Variants in IGF2R observed in about 807,000 individuals in gnomAD.
IGF2R encodes the protein insulin like growth factor 2 receptor.
IGF2R carries 91 observed loss-of-function variants against 270.6 expected under a neutral mutation model. That is an observed-to-expected ratio of 0.34 (90% CI 0.28 to 0.40). The LOEUF is 0.40. Among genes scored for constraint, IGF2R ranks in the 10% least tolerant of loss-of-function variants. The probability of loss-of-function intolerance (pLI) is 1.00; values close to 1 mark genes in which losing one functional copy is unlikely to be tolerated. For missense variants in IGF2R, 2,805 were observed against 3,188.3 expected (o/e 0.88, Z 2.90); for synonymous variants, 1,316 against 1,258.9 (o/e 1.05, Z -0.96).
At chr6:160,014,880 G>C (rs1777249133) in intron 4 of IGF2R, among the ~76,000 whole-genome samples, 1 of 152,200 alleles carries the variant, frequency 6.6e-6, no homozygotes, top group East Asian at 1.9e-4. Flanking sequence ...TAAGCTCCAT[G>C]TGCTGGTACC....
intron 10 of IGF2R, among the ~76,000 whole-genome samples, chr6:160,040,053 A>C (rs3777414): frequency 6.6e-6 from 1 of 151,978 alleles, no homozygotes; most frequent in Non-Finnish European, 1.5e-5. Context: ...GCGACTGACT[A>C]TAGATGGCTT....
At chr6:160,020,264 A>G (rs1219951608) in intron 4 of IGF2R, among the ~76,000 whole-genome samples, 1 of 152,108 alleles carries the variant, frequency 6.6e-6, no homozygotes, top group Admixed American at 6.5e-5. Flanking sequence ...AAAAATCTCT[A>G]CAAGGAAAAC....
chr6:160,033,863 A>G (rs1777754228), intron 9 of IGF2R, among the ~76,000 whole-genome samples: 2 of 152,242 alleles, frequency 1.3e-5, no homozygotes, highest in South Asian at 2.1e-4. Context: ...GTTGACCTTC[A>G]TAAAAGCAGG....
chr6:160,001,348 C>T (rs980848677), intron 2 of IGF2R, among the ~76,000 whole-genome samples: 11 of 151,980 alleles, frequency 7.2e-5, no homozygotes, highest in African/African-American at 1.9e-4. Context: ...CAGTGTCTCC[C>T]ATCACCCCCA....
At chr6:160,018,113 A>G (rs762476150) in intron 4 of IGF2R, among the ~76,000 whole-genome samples, 1 of 152,160 alleles carries the variant, frequency 6.6e-6, no homozygotes, top group Non-Finnish European at 1.5e-5. Flanking sequence ...GCTGCTTACA[A>G]GAAAGCCAGA....
Position 160,058,961 on chromosome 6 carries a change from C to T in IGF2R, c.2954C>T (p.Ser985Phe), listed in dbSNP as rs1238690917. 1.2e-6 allele frequency: 2 copies of T among 1,614,112 alleles called. No homozygotes were observed. The highest frequency in any genetic ancestry group is 1.7e-6 in the Non-Finnish European group (2 of 1,180,048). Residue 985 changes from serine to phenylalanine, a missense_variant, in exon 22 of 48, where the codon TCT (serine) becomes TTT (phenylalanine). Physicochemically the swap from Ser to Phe is radical, Grantham distance 155. This residue lies in a region of IGF2R where 1,851 missense variants were observed against 2,207.2 expected (regional missense o/e 0.84). Transcript: ENST00000356956. ...GGGACCATCCTGGGAAAACCTGCTT[C>T]TGGCTGTGAGGCAGAAACCCAAACT... ...VCGTILGKPA[S>F]GCEAETQTEE...
At chr6:160,043,325 T>C in intron 12 of IGF2R, 37 bp downstream of exon 12, 2 of 1,590,652 alleles carry the variant, frequency 1.3e-6, no homozygotes, top group Non-Finnish European at 1.7e-6. Context: ...AGGTGATGCT[T>C]TTCTAGGGCA....
chr6:159,980,016 A>G (rs1235712042), intron 1 of IGF2R, among the ~76,000 whole-genome samples: 1 of 151,968 alleles, frequency 6.6e-6, no homozygotes, highest in African/African-American at 2.4e-5. Flanking sequence ...TGTCTCTACT[A>G]AAAATACAAA....
intron 16 of IGF2R, among the ~76,000 whole-genome samples, 176 bp downstream of exon 16, chr6:160,047,512 C>T (rs1778095652): frequency 6.6e-6 from 1 of 152,084 alleles, no homozygotes; most frequent in Admixed American, 6.5e-5. Flanking sequence ...GTGGGTTGTG[C>T]ACCTTAATAA....
intron 22 of IGF2R, 89 bp from the exon 23 acceptor site, chr6:160,060,458 G>A (rs1778411185): frequency 7.6e-7 from 1 of 1,308,112 alleles, no homozygotes; most frequent in Non-Finnish European, 1.1e-6. Context: ...GTTGCCAGTG[G>A]CAGCCTTGTC....
chr6:160,024,368 C>T (rs1445917142), intron 4 of IGF2R, among the ~76,000 whole-genome samples: 2 of 152,068 alleles, frequency 1.3e-5, no homozygotes, highest in East Asian at 3.9e-4. Flanking sequence ...GCACAACAGT[C>T]CTCATGTAAG....
At chr6:160,075,479 G>A (rs1778837840) in intron 35 of IGF2R, among the ~76,000 whole-genome samples, 1 of 152,190 alleles carries the variant, frequency 6.6e-6, no homozygotes, top group Admixed American at 6.5e-5. Context: ...GGAGGACCGT[G>A]TAGCATCCTT....
Position 160,102,438 on chromosome 6 carries a change from T to C in IGF2R, c.6843-81T>C. 6.7e-7 allele frequency: 1 copy of C among 1,496,532 alleles called. No individual in the cohort carries two copies. The allele number at this position is 1,496,532 out of a possible 1,614,324, so 92.7% of individuals were successfully genotyped here. A position where few individuals can be genotyped will look rare whatever the true frequency, so the allele number is the denominator to read the frequency against. ...TGGGAAAGTCAGAGCTGCTCTTGCCTTGGGGACTCAGGTCTCAGGTTGTGG... is the reference window on the plus strand; with the variant it reads ...TGGGAAAGTCAGAGCTGCTCTTGCCCTGGGGACTCAGGTCTCAGGTTGTGG... On this transcript the variant is annotated intron_variant, in intron 45 of 47. Coordinates refer to ENST00000356956, the MANE Select transcript of IGF2R (RefSeq NM_000876.4). The surrounding 1 kb of genome is among the most constrained non-coding windows in gnomAD (Gnocchi z 4.5).
intron 39 of IGF2R, among the ~76,000 whole-genome samples, chr6:160,080,932 A>G (rs1225677342): frequency 6.6e-6 from 1 of 150,844 alleles, no homozygotes; most frequent in Non-Finnish European, 1.5e-5. Context: ...CCTGGCTAGC[A>G]TGGTGAAACC....
intron 22 of IGF2R, 47 bp from the exon 23 acceptor site, chr6:160,060,500 A>C: frequency 1.3e-6 from 2 of 1,595,854 alleles, no homozygotes; most frequent in Non-Finnish European, 1.7e-6. Context: ...GGGCTGCGCC[A>C]TGAATACTGT....
chr6:160,058,818 A>G (rs986290686), intron 21 of IGF2R, 88 bp from the exon 22 acceptor site: 22 of 1,120,318 alleles, frequency 2.0e-5, no homozygotes, highest in African/African-American at 1.6e-4. Context: ...TGTTTAACCT[A>G]GTGGGATTTG....
intron 1 of IGF2R, 91 bp downstream of exon 1, chr6:159,969,486 G>T (rs1562326658): frequency 6.1e-6 from 6 of 978,874 alleles, no homozygotes; most frequent in Non-Finnish European, 6.4e-6. Flanking sequence ...GAGCTCCTGG[G>T]GTCTCCAAGT....
chr6:160,080,451 G>A (rs1225345029), intron 39 of IGF2R, among the ~76,000 whole-genome samples, 176 bp downstream of exon 39: 1 of 152,206 alleles, frequency 6.6e-6, no homozygotes, highest in African/African-American at 2.4e-5. Flanking sequence ...CTGTGGGATT[G>A]CTGGGTAACC....
chr6:160,089,095 C>G lies in IGF2R; in HGVS notation c.6321-12C>G. On this transcript the variant is annotated splice_polypyrimidine_tract_variant and intron_variant, in intron 42 of 47. Coordinates refer to ENST00000356956, the MANE Select transcript of IGF2R (RefSeq NM_000876.4). ...GGGGAAGTGACTGTAGCCTGTGCTT[C>G]CCTCCTCCTAGGTTTGATATCGACA... 2 of 1,609,888 alleles carry G rather than the reference C, an allele frequency of 1.2e-6. No homozygotes were observed. The highest frequency in any genetic ancestry group is 2.2e-5 in the South Asian group (2 of 90,726).
Sources: allele counts gnomAD v4.1 joint callset (sites outside exome capture counted in the v4.1 genomes callset), GRCh38; gene constraint gnomAD v4.1.1; regional missense constraint gnomAD v4.1.1; non-coding constraint Gnocchi (gnomAD v3.1); transcripts MANE v1.5; gene names NCBI Gene and HGNC (gene_info 2026-07-23, HGNC 2026-07-21).